The following ZNF292 variants were observed in gnomAD, a reference collection of about 807,000 sequenced individuals.
ZNF292 encodes zinc finger protein 292, also known as 16 zinc-finger domain protein.
ZNF292 carries 26 observed loss-of-function variants against 217.9 expected under a neutral mutation model. The ratio of observed to expected loss-of-function variants is 0.12; its 90% CI spans 0.09 to 0.17. The LOEUF is 0.17. Ranked by LOEUF, ZNF292 falls within the 10% of genes least tolerant of loss-of-function variation. ZNF292 has a pLI of 1.00. For synonymous variants in ZNF292, 1,257 were observed against 1,124.1 expected (o/e 1.12, Z -2.37); for missense variants, 2,904 against 3,175.2 (o/e 0.91, Z 2.05).
chr6:87,166,351 A>G (rs950840037), intron 1 of ZNF292, among the ~76,000 whole-genome samples: 1 of 152,186 alleles, frequency 6.6e-6, no homozygotes, highest in Non-Finnish European at 1.5e-5. Context: ...CTTTGGGTTC[A>G]ACTATGAGCT....
rs1453212115 is a variant in ZNF292, at chr6:87,265,300, A to G, written c.*3499A>G. Among the ~76,000 whole-genome samples, 1 of 152,018 alleles carries G rather than the reference A, an allele frequency of 6.6e-6. No individual in the cohort carries two copies. The highest frequency in any genetic ancestry group is 1.5e-5 in the Non-Finnish European group (1 of 67,980). ...CAGCTAATTTTGTAGTTTTGGCACA[A>G]TCTCAGCTCAGTGCAACTTCCATCT... is the stretch of plus-strand genomic sequence containing the variant. On this transcript the variant is annotated 3_prime_UTR_variant, in exon 8 of 8. Coordinates refer to ENST00000369577, the MANE Select transcript of ZNF292 (RefSeq NM_015021.3).
chr6:87,160,060 A>G (rs943586742), intron 1 of ZNF292, among the ~76,000 whole-genome samples: 3 of 152,202 alleles, frequency 2.0e-5, no homozygotes, highest in Non-Finnish European at 4.4e-5. Context: ...CTCATTCAAC[A>G]TTTCTATTGA....
chr6:87,247,939 T>A (rs1041434391), intron 7 of ZNF292, among the ~76,000 whole-genome samples: 3 of 152,214 alleles, frequency 2.0e-5, no homozygotes, highest in Non-Finnish European at 2.9e-5. Flanking sequence ...TTATACAGAT[T>A]AGACACAACT....
intron 4 of ZNF292, among the ~76,000 whole-genome samples, chr6:87,219,917 C>A (rs1483291425): frequency 6.6e-6 from 1 of 152,204 alleles, no homozygotes; most frequent in Admixed American, 6.5e-5. Flanking sequence ...AGCCTCACTT[C>A]CAGACTCAAG....
At chr6:87,178,716 G>A (rs1034576969) in intron 1 of ZNF292, among the ~76,000 whole-genome samples, 4 of 152,164 alleles carry the variant, frequency 2.6e-5, no homozygotes, top group Non-Finnish European at 4.4e-5. Flanking sequence ...ACCTAGTCAA[G>A]TAACTAGGAA....
intron 1 of ZNF292, among the ~76,000 whole-genome samples, chr6:87,164,700 TA>T (rs1770857246): frequency 6.6e-6 from 1 of 152,104 alleles, no homozygotes; most frequent in Non-Finnish European, 1.5e-5. Flanking sequence ...TCTCAATCTC[TA>T]AATAGAAGAG....
chr6:87,202,558 T>C (rs902451978), intron 1 of ZNF292, among the ~76,000 whole-genome samples: 1 of 152,194 alleles, frequency 6.6e-6, no homozygotes, highest in African/African-American at 2.4e-5. Context: ...TAGGCATTTT[T>C]GTTTTGTTTT....
In ZNF292 at chr6:87,256,860, G is replaced by A. The variant is rs370238125; in HGVS notation, c.3231G>A (p.Gln1077=). ...AAAGTATTGCATTTGTTCCACCGCA[G>A]TCCGACCTAAGTAATTCATTAGGAA... ...TLESIAFVPP[Q]SDLSNSLGTP... Residue 1077 remains glutamine (Q), a synonymous_variant, in exon 8 of 8, where the codon CAG becomes CAA. Coordinates refer to ENST00000369577, the MANE Select transcript of ZNF292 (RefSeq NM_015021.3). The A allele has an allele frequency of 1.9e-6, 3 of 1,613,654 alleles. No individual in the cohort carries two copies. Among genetic ancestry groups the A allele is most frequent in the Non-Finnish European group, 2.5e-6 (3 of 1,179,824 alleles).
intron 1 of ZNF292, among the ~76,000 whole-genome samples, chr6:87,160,684 GTA>G (rs5878019): frequency 2.2e-4 from 33 of 150,402 alleles, no homozygotes; most frequent in African/African-American, 3.7e-4. Flanking sequence ...ATGTGTGTGT[GTA>G]TATATATATA....
Position 87,216,415 on chromosome 6 carries a change from CTT to C in ZNF292, c.402+39_402+40del, listed in dbSNP as rs760602417. 5 of 1,427,740 alleles carry C rather than the reference CTT, an allele frequency of 3.5e-6. No individual in the cohort carries two copies. The African/African-American group carries it at 7.2e-5, about 20-fold the overall frequency. 88.4% of individuals were successfully genotyped at this position (1,427,740 alleles called of 1,614,324 possible). A position where few individuals can be genotyped will look rare whatever the true frequency, so the allele number is the denominator to read the frequency against. On this transcript the variant is annotated intron_variant, in intron 3 of 7. Transcript: ENST00000369577. ...ATCTTTAGATTTAATACAGGTATAT[CTT>C]ATGTCAGTTTTCCTTACTCTTAAAA...
chr6:87,187,679 C>T (rs956203793), intron 1 of ZNF292, among the ~76,000 whole-genome samples: 1 of 143,004 alleles, frequency 7.0e-6, no homozygotes, highest in Admixed American at 7.5e-5. Context: ...TGCACCATTG[C>T]ACTCTACCTT....
intron 1 of ZNF292, among the ~76,000 whole-genome samples, chr6:87,179,659 A>G (rs112197664): frequency 8.6e-4 from 131 of 152,276 alleles, no homozygotes; most frequent in African/African-American, 2.9e-3. Context: ...TAGTTTTTCA[A>G]GTCTGTTTAT....
chr6:87,185,534 C>T (rs1412361577), intron 1 of ZNF292, among the ~76,000 whole-genome samples: 2 of 152,180 alleles, frequency 1.3e-5, no homozygotes, highest in Non-Finnish European at 2.9e-5. Flanking sequence ...GGCTGGAGTG[C>T]AGTGGCACAA....
At chr6:87,223,390 A>G (rs1562152361) in intron 4 of ZNF292, 1 of 152,318 alleles carries the variant, frequency 6.6e-6, no homozygotes, top group African/African-American at 2.4e-5. Flanking sequence ...CAGCCGACTT[A>G]TCACTGTTGA....
rs143144210 is a variant in ZNF292, at chr6:87,256,559, C to T, written c.2930C>T (p.Thr977Ile). Residue 977 changes from threonine (T) to isoleucine (I), a missense_variant, in exon 8 of 8, where the codon ACT becomes ATT. Thr to Ile is a moderately conservative substitution (Grantham distance 89, BLOSUM62 -1). This residue lies in a region of ZNF292 where 687 missense variants were observed against 623.0 expected (regional missense o/e 1.10). Transcript: ENST00000369577. ...VTDLHTPVED[T>I]CNDLCHPGFQ... is the part of the protein sequence containing the mutation. ...GACTTACATACGCCAGTTGAAGATA[C>T]TTGTAATGATTTGTGTCATCCAGGT... is the stretch of plus-strand genomic sequence containing the variant. 1.3e-4 allele frequency: 207 copies of T among 1,613,552 alleles called. No homozygotes were observed. In the African/African-American group the frequency reaches 2.4e-3, roughly 19 times the overall value.
chr6:87,245,452 A>G (rs1218102064), intron 6 of ZNF292, 51 bp from the exon 7 acceptor site: 1 of 1,350,802 alleles, frequency 7.4e-7, no homozygotes, highest in East Asian at 2.6e-5. Flanking sequence ...GATGTCCATG[A>G]TTATTACCTT....
chr6:87,217,028 T>G (rs1251767815), intron 3 of ZNF292, among the ~76,000 whole-genome samples: 1 of 152,030 alleles, frequency 6.6e-6, no homozygotes, highest in African/African-American at 2.4e-5. Flanking sequence ...CTGGATGTAT[T>G]ATGGCTTCAA....
At chr6:87,235,196 A>T (rs754695433) in intron 5 of ZNF292, among the ~76,000 whole-genome samples, 4 of 151,432 alleles carry the variant, frequency 2.6e-5, no homozygotes, top group Admixed American at 6.6e-5. Flanking sequence ...AGATAAGTTA[A>T]TTTGCAGATG....
intron 1 of ZNF292, among the ~76,000 whole-genome samples, chr6:87,202,448 G>C (rs576106972): frequency 6.6e-6 from 1 of 152,130 alleles, no homozygotes; most frequent in Non-Finnish European, 1.5e-5. Context: ...TGCATTGTCT[G>C]CAATGGTGAC....
Sources: allele counts gnomAD v4.1 joint callset (sites outside exome capture counted in the v4.1 genomes callset), GRCh38; gene constraint gnomAD v4.1.1; regional missense constraint gnomAD v4.1.1; transcripts MANE v1.5; gene names NCBI Gene and HGNC (gene_info 2026-07-23, HGNC 2026-07-21).